ARID4A: variants seen among roughly 807,000 people sequenced by gnomAD.
ARID4A encodes AT-rich interactive domain-containing protein 4A.
In ARID4A, 39 loss-of-function variants were observed where a neutral mutation model predicts 148.6. That is an observed-to-expected ratio of 0.26 (90% CI 0.20 to 0.34). ARID4A has a LOEUF of 0.34. ARID4A is among the 10% of genes least tolerant of loss of function. The pLI is 1.00. For missense variants in ARID4A, 1,265 were observed against 1,449.1 expected, an observed-to-expected ratio of 0.87 and a Z score of 2.06; for synonymous variants, 475 against 481.2, an observed-to-expected ratio of 0.99 and a Z score of 0.17.
At chr14:58,316,981 G>A (rs1406518191) in intron 5 of ARID4A, among the ~76,000 whole-genome samples, 6 of 150,960 alleles carry the variant, frequency 4.0e-5, no homozygotes, top group Non-Finnish European at 8.9e-5. Flanking sequence ...TCACAAGGTC[G>A]GGAGATGGAG....
chr14:58,317,297 T>A (rs145239161), intron 5 of ARID4A, among the ~76,000 whole-genome samples: 1,790 of 150,404 alleles, frequency 0.012, 46 homozygotes, highest in Admixed American at 0.068. Flanking sequence ...TTTATTTTTT[T>A]TTTTTGGGAC....
intron 5 of ARID4A, among the ~76,000 whole-genome samples, chr14:58,317,751 G>A (rs2032563737): frequency 1.4e-5 from 2 of 145,070 alleles, no homozygotes; most frequent in East Asian, 2.0e-4. Context: ...TTCCACCATG[G>A]CCTCTCCAGT....
intron 11 of ARID4A, among the ~76,000 whole-genome samples, chr14:58,343,177 T>C (rs1594930520): frequency 6.6e-6 from 1 of 152,244 alleles, no homozygotes; most frequent in Admixed American, 6.5e-5. Context: ...CATCTCTTAA[T>C]CTGAGCATTA....
At chr14:58,354,122 C>T (rs188424514) in intron 17 of ARID4A, among the ~76,000 whole-genome samples, 2 of 152,194 alleles carry the variant, frequency 1.3e-5, no homozygotes, top group African/African-American at 4.8e-5. Context: ...GCAAGGGGAA[C>T]CATAGGGCAT....
intron 20 of ARID4A, 98 bp downstream of exon 20, chr14:58,365,398 C>A: frequency 7.1e-7 from 1 of 1,399,636 alleles, no homozygotes; most frequent in Non-Finnish European, 9.5e-7. Context: ...CTTTCTTTTT[C>A]TTTTCTCTCT....
chr14:58,357,503 T>C (rs1338569967), intron 17 of ARID4A, among the ~76,000 whole-genome samples: 1 of 152,188 alleles, frequency 6.6e-6, no homozygotes. Flanking sequence ...AAAACAAGTT[T>C]GTCCAACCTG....
At chr14:58,338,215 G>A (rs2033926787) in intron 11 of ARID4A, among the ~76,000 whole-genome samples, 2 of 152,068 alleles carry the variant, frequency 1.3e-5, no homozygotes, top group Admixed American at 6.5e-5. Flanking sequence ...AACAAAGAGG[G>A]CTCTACTTGA....
Position 58,372,623 on chromosome 14 carries a change from A to G in ARID4A, c.*634A>G, listed in dbSNP as rs933970811. On this transcript the variant is annotated 3_prime_UTR_variant, in exon 24 of 24. Transcript: ENST00000355431. ...TTTTTATAGGATTTTTGAGCACAAA[A>G]TTATGCAAATATTTTAATGTTTATT... is the stretch of plus-strand genomic sequence containing the variant. The G allele has an allele frequency of 3.1e-5, 6 of 195,682 alleles. No homozygotes were observed. The highest frequency in any genetic ancestry group is 1.2e-4 in the African/African-American group (5 of 43,328). 12.1% of individuals were successfully genotyped at this position (195,682 alleles called of 1,614,324 possible).
At chr14:58,332,002 C>G (rs1319888153) in intron 11 of ARID4A, among the ~76,000 whole-genome samples, 4 of 146,714 alleles carry the variant, frequency 2.7e-5, no homozygotes, top group East Asian at 4.2e-4. Flanking sequence ...CCTACCCCCC[C>G]CCCCCCAAAA....
chr14:58,340,844 G>A (rs2034084617), intron 11 of ARID4A, among the ~76,000 whole-genome samples: 1 of 152,106 alleles, frequency 6.6e-6, no homozygotes, highest in Admixed American at 6.5e-5. Context: ...TCTGACTCTT[G>A]CATTTATATT....
intron 13 of ARID4A, 79 bp from the exon 14 acceptor site, chr14:58,346,941 A>AAAAAAAAAAAAAAAAAAAAAAC (rs2034399053): frequency 4.1e-6 from 1 of 245,094 alleles, no homozygotes; most frequent in Admixed American, 6.4e-5. Context: ...AAAAAAAAAA[A>AAAAAAAAAAAAAAAAAAAAAAC]AAAAAAAAAA....
chr14:58,298,949 G>A (rs1463772688), intron 1 of ARID4A, among the ~76,000 whole-genome samples: 1 of 152,196 alleles, frequency 6.6e-6, no homozygotes, highest in Non-Finnish European at 1.5e-5. Context: ...TGGCTGTGGG[G>A]CTGGCCGCGC....
chr14:58,361,978 A>T (rs2035151859), intron 19 of ARID4A, among the ~76,000 whole-genome samples: 1 of 152,140 alleles, frequency 6.6e-6, no homozygotes, highest in African/African-American at 2.4e-5. Context: ...TTTTTATCTA[A>T]AATTTAGTGA....
intron 8 of ARID4A, among the ~76,000 whole-genome samples, chr14:58,325,840 T>G (rs1343812386): frequency 6.6e-6 from 1 of 152,060 alleles, no homozygotes; most frequent in Non-Finnish European, 1.5e-5. Flanking sequence ...ATATTCAGAT[T>G]GTAGGTTTGC....
chr14:58,373,130 T>G lies in ARID4A; in HGVS notation c.*1141T>G, dbSNP rs2140286143. On this transcript the variant is annotated 3_prime_UTR_variant, in exon 24 of 24. Transcript: ENST00000355431. ...GGCAGTCCTAGTATTTAAACTGTTTTGAGGATCAAATTTTTGGTTGCCCTT... is the reference window on the plus strand; with the variant it reads ...GGCAGTCCTAGTATTTAAACTGTTTGGAGGATCAAATTTTTGGTTGCCCTT... The G allele has an allele frequency of 5.0e-6, 1 of 198,856 alleles. No homozygotes were observed. The highest frequency in any genetic ancestry group is 2.3e-5 in the African/African-American group (1 of 43,496). The allele number at this position is 198,856 out of a possible 1,614,324, so 12.3% of individuals were successfully genotyped here.
In ARID4A at chr14:58,306,115, A is replaced by G. The variant is rs747377526; in HGVS notation, c.274+3A>G. Reference sequence around the variant, plus strand: ...AGATGCTAGTTGGTATACCGTGGGTAAGTAATTAAGTAATTTAACACAGAT... The same window carrying G: ...AGATGCTAGTTGGTATACCGTGGGTGAGTAATTAAGTAATTTAACACAGAT... On this transcript the variant is annotated splice_donor_region_variant and intron_variant, in intron 5 of 23. Coordinates refer to ENST00000355431, the MANE Select transcript of ARID4A (RefSeq NM_002892.4). The G allele has an allele frequency of 3.8e-6, 6 of 1,593,880 alleles. No individual in the cohort carries two copies. Among genetic ancestry groups the G allele is most frequent in the Non-Finnish European group, 5.2e-6 (6 of 1,162,062 alleles).
rs1420068928 is a variant in ARID4A, at chr14:58,323,381, G to C, written c.450-104G>C. ...TAAGAATGGAGAGGCTACTACTTTAGGGTGTAGTCCATTAGAAATTGAATT... is the reference window on the plus strand; with the variant it reads ...TAAGAATGGAGAGGCTACTACTTTACGGTGTAGTCCATTAGAAATTGAATT... On this transcript the variant is annotated intron_variant, in intron 7 of 23. Transcript: ENST00000355431. 8 of 1,288,002 alleles carry C rather than the reference G, an allele frequency of 6.2e-6. No homozygotes were observed. In the East Asian group the frequency reaches 1.8e-4, roughly 28 times the overall value. The allele number at this position is 1,288,002 out of a possible 1,614,324, so 79.8% of individuals were successfully genotyped here.
chr14:58,320,701 G>A (rs559523981), intron 7 of ARID4A, among the ~76,000 whole-genome samples: 8 of 150,542 alleles, frequency 5.3e-5, no homozygotes, highest in Non-Finnish European at 8.9e-5. Context: ...TCCACCTCCT[G>A]GGTTCTTGCC....
chr14:58,335,468 C>T (rs1230964892), intron 11 of ARID4A, among the ~76,000 whole-genome samples: 1 of 152,004 alleles, frequency 6.6e-6, no homozygotes, highest in East Asian at 1.9e-4. Flanking sequence ...CATGCACCTC[C>T]ATGCCTGGCT....
Sources: gnomAD v4.1 joint callset for allele counts (sites outside exome capture counted in the v4.1 genomes callset) on GRCh38, gnomAD v4.1.1 for gene constraint, MANE v1.5 for transcripts, NCBI Gene and HGNC (gene_info 2026-07-23, HGNC 2026-07-21) for gene names.